Variants in KDM3B observed in about 807,000 individuals in gnomAD.
KDM3B encodes the protein lysine-specific demethylase 3B.
KDM3B carries 10 observed loss-of-function variants against 170.0 expected under a neutral mutation model. The observed-to-expected ratio is 0.06, with a 90% CI of 0.04 to 0.10. The LOEUF is 0.10. Ranked by LOEUF, KDM3B falls within the 10% of genes least tolerant of loss-of-function variation. KDM3B has a pLI of 1.00. For missense variants in KDM3B, 1,394 were observed against 2,195.2 expected (o/e 0.64, Z 7.29); for synonymous variants, 831 against 834.8 (o/e 1.00, Z 0.08).
At position 138,425,468 on chromosome 5, in the gene KDM3B, G is replaced by A; in HGVS notation, c.4297G>A (p.Ala1433Thr). The A allele has an allele frequency of 6.2e-7, 1 of 1,614,180 alleles. No individual in the cohort carries two copies. Among genetic ancestry groups the A allele is most frequent in the Non-Finnish European group, 8.5e-7 (1 of 1,180,030 alleles). ...KLKSELWKPEAFSQEFGDQDV... is the reference protein window; with the variant it reads ...KLKSELWKPETFSQEFGDQDV... The stretch of plus-strand genomic sequence containing the variant: ...CAAGTCTGAGCTCTGGAAGCCAGAA[G>A]CCTTTAGCCAGGAATTTGGAGACCA... The change falls in exon 17 of 24, where the codon GCC becomes ACC. Residue 1433 changes from alanine to threonine, a missense_variant. Ala to Thr is a moderately conservative substitution (Grantham distance 58, BLOSUM62 0). This residue lies in a region of KDM3B where 66 missense variants were observed against 178.8 expected (regional missense o/e 0.37). Transcript: ENST00000314358.
chr5:138,395,748 C>G (rs1762530050), intron 9 of KDM3B, among the ~76,000 whole-genome samples: 2 of 151,840 alleles, frequency 1.3e-5, no homozygotes, highest in Non-Finnish European at 2.9e-5. Context: ...TCCTGAGTAG[C>G]TGGGATTATA....
chr5:138,389,438 CT>C (rs993154433), intron 7 of KDM3B, among the ~76,000 whole-genome samples: 172 of 151,208 alleles, frequency 1.1e-3, no homozygotes, highest in African/African-American at 3.7e-3. Flanking sequence ...TCGGGAATCA[CT>C]TTTTTTTTAA....
At chr5:138,373,759 A>G (rs1761931247) in intron 2 of KDM3B, among the ~76,000 whole-genome samples, 2 of 152,246 alleles carry the variant, frequency 1.3e-5, no homozygotes, top group Non-Finnish European at 1.5e-5. Context: ...TGCTGGGATT[A>G]TAGGCATGAG....
At chr5:138,354,598 T>C (rs1347826033) in intron 1 of KDM3B, among the ~76,000 whole-genome samples, 1 of 152,206 alleles carries the variant, frequency 6.6e-6, no homozygotes, top group Non-Finnish European at 1.5e-5. Flanking sequence ...CCCATTCACT[T>C]TGTCGTTTGC....
rs1201753210 is a variant in KDM3B at position 138,386,217 on chromosome 5, G to C, written c.976G>C (p.Gly326Arg). Residue 326 changes from glycine (G) to arginine (R), a missense_variant, in exon 7 of 24, where the codon GGA becomes CGA. Physicochemically the swap from Gly to Arg is moderately radical, Grantham distance 125. This residue lies in a region of KDM3B where 205 missense variants were observed against 227.6 expected (regional missense o/e 0.90). Transcript: ENST00000314358. Reference protein sequence around the residue: ...GGEASRGPWKGGNASGEPGLD... With the variant: ...GGEASRGPWKRGNASGEPGLD... Reference sequence around the variant, plus strand: ...TGAGGCAAGCCGAGGGCCCTGGAAAGGAGGGAATGCCAGTGGAGAGCCAGG... The same window carrying C: ...TGAGGCAAGCCGAGGGCCCTGGAAACGAGGGAATGCCAGTGGAGAGCCAGG... 8 of 1,614,074 alleles carry C rather than the reference G, an allele frequency of 5.0e-6. No individual in the cohort carries two copies. Among genetic ancestry groups the C allele is most frequent in the Non-Finnish European group, 6.8e-6 (8 of 1,180,050 alleles).
intron 1 of KDM3B, among the ~76,000 whole-genome samples, chr5:138,361,782 G>C (rs530277549): frequency 2.0e-5 from 3 of 152,308 alleles, no homozygotes; most frequent in Admixed American, 2.0e-4. Flanking sequence ...AAGCCTTTCT[G>C]ATTCCCCAGC....
At chr5:138,418,792 T>C (rs2126989777) in intron 13 of KDM3B, among the ~76,000 whole-genome samples, 161 bp from the exon 14 acceptor site, 1 of 152,350 alleles carries the variant, frequency 6.6e-6, no homozygotes, top group East Asian at 1.9e-4. Flanking sequence ...TGGCATGTTG[T>C]AGGACTCAAT....
Position 138,436,885 on chromosome 5 carries a change from T to C in KDM3B, c.*1185T>C, listed in dbSNP as rs191354380. The C allele has an allele frequency of 2.0e-4, 29 of 148,646 alleles. No homozygotes were observed. Among genetic ancestry groups the C allele is most frequent in the African/African-American group, 6.4e-4 (26 of 40,536 alleles). The allele number at this position is 148,646 out of a possible 1,614,324, so 9.2% of individuals were successfully genotyped here. A position where few individuals can be genotyped will look rare whatever the true frequency, so the allele number is the denominator to read the frequency against. On this transcript the variant is annotated 3_prime_UTR_variant, in exon 24 of 24. Transcript: ENST00000314358. ...GTACTGTAGTGCCCTGCAGGCTGTT[T>C]ATATGTTCACAGTTACTTTTTTTTT...
intron 12 of KDM3B, among the ~76,000 whole-genome samples, chr5:138,415,946 T>C (rs990208232): frequency 3.3e-5 from 5 of 152,110 alleles, no homozygotes; most frequent in Admixed American, 6.6e-5. Flanking sequence ...GCTAAAATGG[T>C]CAGGTGTGGT....
At chr5:138,384,116 G>T (rs547256474) in intron 6 of KDM3B, among the ~76,000 whole-genome samples, 1 of 151,730 alleles carries the variant, frequency 6.6e-6, no homozygotes, top group East Asian at 2.0e-4. Flanking sequence ...CGCGGTGGCG[G>T]GCACCTGTAG....
chr5:138,384,838 C>T (rs1320384955), intron 6 of KDM3B, among the ~76,000 whole-genome samples: 1 of 149,732 alleles, frequency 6.7e-6, no homozygotes, highest in Non-Finnish European at 1.5e-5. Flanking sequence ...CACTTGAACC[C>T]GTTAGGTGGA....
At chr5:138,428,197 T>A in intron 20 of KDM3B, 111 bp downstream of exon 20, 1 of 1,119,624 alleles carries the variant, frequency 8.9e-7, no homozygotes, top group Non-Finnish European at 1.3e-6. Flanking sequence ...TTTCTTTTTC[T>A]TTTTTCTGTT....
At chr5:138,372,972 A>G in intron 2 of KDM3B, 131 bp downstream of exon 2, 1 of 738,936 alleles carries the variant, frequency 1.4e-6, no homozygotes, top group Non-Finnish European at 2.0e-6. Context: ...TGAAGTTACT[A>G]ATGCAAAAAT....
At chr5:138,407,178 GT>G (rs1167751946) in intron 11 of KDM3B, among the ~76,000 whole-genome samples, 3 of 151,752 alleles carry the variant, frequency 2.0e-5, no homozygotes, top group Non-Finnish European at 4.4e-5. Flanking sequence ...TAGAGACGGG[GT>G]TTTGGCATGT....
intron 1 of KDM3B, among the ~76,000 whole-genome samples, chr5:138,368,535 C>G (rs117150481): frequency 6.6e-6 from 1 of 152,082 alleles, no homozygotes; most frequent in Non-Finnish European, 1.5e-5. Context: ...TGGGCCACAG[C>G]GTCCCACTTG....
chr5:138,352,738 T>TGGCGGCGGAGGTGGTGGGA lies in KDM3B; in HGVS notation c.-49_-31dup, dbSNP rs1211124001. The TGGCGGCGGAGGTGGTGGGA allele has an allele frequency of 4.3e-5, 41 of 943,988 alleles. 1 individual carries two copies. The East Asian group carries it at 4.5e-4, about 10-fold the overall frequency. The allele number at this position is 943,988 out of a possible 1,614,324, so 58.5% of individuals were successfully genotyped here. On this transcript the variant is annotated 5_prime_UTR_variant, in exon 1 of 24. Transcript: ENST00000314358. ...AGGCCTTGCGGGCGGATCGGGCGCT[T>TGGCGGCGGAGGTGGTGGGA]GGCGGCGGAGGTGGTGGGAGGCGGC...
Position 138,381,428 on chromosome 5 carries a change from A to G in KDM3B, c.706-88A>G, listed in dbSNP as rs1027604740. 64 of 845,298 alleles carry G rather than the reference A, an allele frequency of 7.6e-5. 2 individuals carry two copies. In the South Asian group the frequency reaches 9.7e-4, roughly 13 times the overall value. The allele number at this position is 845,298 out of a possible 1,614,324, so 52.4% of individuals were successfully genotyped here. On this transcript the variant is annotated intron_variant, in intron 5 of 23. Transcript: ENST00000314358. ...TCATTCTAGTAGGTGAGTTGAATCA[A>G]TAAAGAGATAATTACATTGATTAGG...
At position 138,399,912 on chromosome 5, in the gene KDM3B, G is replaced by C. The variant is rs553239106; in HGVS notation, c.3099G>C (p.Val1033=). 2.5e-6 allele frequency: 4 copies of C among 1,614,168 alleles called. No individual in the cohort carries two copies. Among genetic ancestry groups the C allele is most frequent in the Non-Finnish European group, 3.4e-6 (4 of 1,180,020 alleles). Residue 1033 remains valine (V), a synonymous_variant, in exon 11 of 24, where the codon GTG becomes GTC. Transcript: ENST00000314358. ...GTGGTGTACGGGAGATGTGTGATGT[G>C]TGTGAAACAACTCTCTTCAACATCC... ...AVRGVREMCD[V]CETTLFNIHW... is the part of the protein sequence containing the mutation.
intron 11 of KDM3B, among the ~76,000 whole-genome samples, chr5:138,401,924 C>CTT (rs543028030): frequency 6.8e-6 from 1 of 146,718 alleles, no homozygotes; most frequent in African/African-American, 2.5e-5. Context: ...TTTTTTCTTT[C>CTT]TTTTTTTTTT....
Sources: gnomAD v4.1 joint callset for allele counts (sites outside exome capture counted in the v4.1 genomes callset) on GRCh38, gnomAD v4.1.1 for gene constraint, gnomAD v4.1.1 regional missense constraint, MANE v1.5 for transcripts, NCBI Gene and HGNC (gene_info 2026-07-23, HGNC 2026-07-21) for gene names.